EIF2D: variants seen among roughly 807,000 people sequenced by gnomAD.
EIF2D encodes the protein eukaryotic translation initiation factor 2D, also known as hepatocellular carcinoma-associated antigen 56.
EIF2D carries 56 observed loss-of-function variants against 77.4 expected under a neutral mutation model. The observed-to-expected ratio is 0.72, with a 90% CI of 0.58 to 0.90. The LOEUF is 0.90. Among genes scored for constraint, EIF2D ranks in the 40% least tolerant of loss-of-function variants. The pLI, the probability that EIF2D is intolerant of heterozygous loss-of-function variation, is 0.00. For synonymous variants in EIF2D, 230 were observed against 271.0 expected, an observed-to-expected ratio of 0.85 and a Z score of 1.49; for missense variants, 574 against 706.5, an observed-to-expected ratio of 0.81 and a Z score of 2.13.
At chr1:206,574,853 C>CTTTT (rs71570015) in intron 4 of EIF2D, among the ~76,000 whole-genome samples, 31 of 86,108 alleles carry the variant, frequency 3.6e-4, no homozygotes, top group East Asian at 8.3e-4. Flanking sequence ...GGACCAATGA[C>CTTTT]TTTTTTTTTT....
Position 206,584,952 on chromosome 1 carries a change from A to T in EIF2D, c.139-3790T>A. ...GGGAGGAATCTGCCCCACCATTCCT[A>T]ATCTTTCAGGAGATGATGTGAATGG... On this transcript the variant is annotated intron_variant and NMD_transcript_variant, in intron 2 of 5. Transcript: ENST00000472709. The surrounding 1 kb of genome is among the most constrained non-coding windows in gnomAD (Gnocchi z 4.9). The T allele has an allele frequency of 3.3e-6, 2 of 606,244 alleles. No individual in the cohort carries two copies. The highest frequency in any genetic ancestry group is 5.9e-5 in the Admixed American group (2 of 33,984). The allele number at this position is 606,244 out of a possible 1,614,324, so 37.6% of individuals were successfully genotyped here.
At chr1:206,583,161 G>A in intron 2 of EIF2D, 4 of 737,206 alleles carry the variant, frequency 5.4e-6, no homozygotes, top group Middle Eastern at 2.3e-4. Flanking sequence ...ACTCTGCAGG[G>A]CTGGATGCTC....
At chr1:206,576,189 G>A (rs560800308) in intron 4 of EIF2D, among the ~76,000 whole-genome samples, 91 of 152,370 alleles carry the variant, frequency 6.0e-4, no homozygotes, top group Non-Finnish European at 9.0e-4. Context: ...GATGCCAGCT[G>A]TAGCCACACA....
chr1:206,584,592 G>A lies in EIF2D; in HGVS notation c.139-3430C>T. 6.2e-7 allele frequency: 1 copy of A among 1,614,246 alleles called. No homozygotes were observed. On this transcript the variant is annotated intron_variant and NMD_transcript_variant, in intron 2 of 5. Coordinates refer to the EIF2D transcript ENST00000472709. This position sits in a 1 kb window ranked among gnomAD's most constrained non-coding sequence, Gnocchi z 4.9. ...CACATCAGCAGCACCACCACCGTCA[G>A]TGAGGTCATCCAGGGGCTGCTCAAG...
intron 1 of EIF2D, among the ~76,000 whole-genome samples, chr1:206,611,954 C>G (rs573175558): frequency 4.5e-4 from 69 of 152,334 alleles, no homozygotes; most frequent in Non-Finnish European, 8.5e-4. Flanking sequence ...TCCGATCTCT[C>G]CCAAGGGGCA....
chr1:206,607,119 T>C (rs980127372), intron 4 of EIF2D, among the ~76,000 whole-genome samples: 3 of 152,070 alleles, frequency 2.0e-5, no homozygotes, highest in Non-Finnish European at 2.9e-5. Flanking sequence ...GGTAAAAAGG[T>C]TTGGCAGATC....
intron 2 of EIF2D, chr1:206,586,216 T>G (rs1669104938): frequency 6.5e-6 from 1 of 153,148 alleles, no homozygotes; most frequent in Non-Finnish European, 1.5e-5. Flanking sequence ...GAGTCTCAAT[T>G]GTTGGCCGCA....
chr1:206,578,729 C>A (rs1465893222), intron 4 of EIF2D, among the ~76,000 whole-genome samples: 1 of 152,162 alleles, frequency 6.6e-6, no homozygotes, highest in Non-Finnish European at 1.5e-5. Flanking sequence ...ATCCTGGGGA[C>A]CCCCTCTCAT....
intron 6 of EIF2D, chr1:206,602,669 G>C (rs1572402760): frequency 3.2e-6 from 2 of 634,400 alleles, no homozygotes; most frequent in Admixed American, 3.0e-5. Flanking sequence ...CAAGCTAGGA[G>C]TGTTCACCCA....
At chr1:206,602,138 G>A (rs1669955503) in intron 7 of EIF2D, 198 bp downstream of exon 7, 3 of 526,392 alleles carry the variant, frequency 5.7e-6, no homozygotes, top group Non-Finnish European at 1.0e-5. Flanking sequence ...TTAAGATTTT[G>A]TTTTAACAGC....
rs899090291 is a variant in EIF2D, at chr1:206,603,202, C to T, written c.533G>A (p.Arg178Gln). 22 of 1,612,010 alleles carry T rather than the reference C, an allele frequency of 1.4e-5. No individual in the cohort carries two copies. The highest frequency in any genetic ancestry group is 2.2e-5 in the East Asian group (1 of 44,840). ...VLHTYQDHLWRSGNKSSPPSI... is the reference protein window; with the variant it reads ...VLHTYQDHLWQSGNKSSPPSI... The stretch of plus-strand genomic sequence containing the variant: ...AGGTGGAGAGGACTTGTTTCCAGAC[C>T]GCCTGGAAAAATCTCATGTCAGAAA... The change falls in exon 6 of 15, where the codon CGG (arginine) becomes CAG (glutamine). Residue 178 changes from arginine to glutamine, a missense_variant and splice_region_variant. By Grantham distance (43) the Arg-to-Gln change is conservative. Transcript: ENST00000271764.
rs139705386 is a variant in EIF2D at position 206,600,515 on chromosome 1, CAT to C, written c.903-209_903-208del. 190 of 523,108 alleles carry C rather than the reference CAT, an allele frequency of 3.6e-4. 1 individual carries two copies. The highest frequency in any genetic ancestry group is 3.4e-3 in the African/African-American group (178 of 52,628). 32.4% of individuals were successfully genotyped at this position (523,108 alleles called of 1,614,324 possible). A position where few individuals can be genotyped will look rare whatever the true frequency, so the allele number is the denominator to read the frequency against. The stretch of plus-strand genomic sequence containing the variant: ...ATCAGTGCTGTTCAAGAGAACTTTC[CAT>C]AGACGTGGAATGTTCTCTGTGTTGT... On this transcript the variant is annotated intron_variant, in intron 7 of 14. Coordinates refer to ENST00000271764, the MANE Select transcript of EIF2D (RefSeq NM_006893.3).
chr1:206,605,546 T>C (rs782048495), intron 4 of EIF2D, 39 bp from the exon 5 acceptor site: 9 of 1,555,436 alleles, frequency 5.8e-6, no homozygotes, highest in Admixed American at 5.1e-5. Flanking sequence ...TCATGGAAAA[T>C]CTATGGGAAG....
rs1214807331 is a variant in EIF2D at position 206,591,865 on chromosome 1, C to A, written c.1685-20G>T. 6.2e-7 allele frequency: 1 copy of A among 1,613,786 alleles called. No homozygotes were observed. The highest frequency in any genetic ancestry group is 8.5e-7 in the Non-Finnish European group (1 of 1,179,808). On this transcript the variant is annotated intron_variant, in intron 14 of 14. Transcript: ENST00000271764. ...ACTCTTCTACAATCCAAAAAGCACACACTCCTCAGCGGAGCATGACCTTGC... is the reference window on the plus strand; with the variant it reads ...ACTCTTCTACAATCCAAAAAGCACAAACTCCTCAGCGGAGCATGACCTTGC...
At chr1:206,574,701 C>T (rs1242238586) in intron 4 of EIF2D, among the ~76,000 whole-genome samples, 1 of 152,142 alleles carries the variant, frequency 6.6e-6, no homozygotes, top group Non-Finnish European at 1.5e-5. Flanking sequence ...ATAGAGGGAC[C>T]TGTGGAAATC....
chr1:206,595,702 G>A lies in EIF2D; in HGVS notation c.1509+16C>T, dbSNP rs375152129. On this transcript the variant is annotated intron_variant, in intron 13 of 14. Coordinates refer to ENST00000271764, the MANE Select transcript of EIF2D (RefSeq NM_006893.3). ...TTAAATCACTATCCTTGAACATTGT[G>A]TCTTTCTAAAATTACCTTTTTATTA... 3.2e-5 allele frequency: 51 copies of A among 1,612,288 alleles called. No homozygotes were observed. In the Admixed American group the frequency reaches 3.3e-4, roughly 11 times the overall value.
downstream of EIF2D, among the ~76,000 whole-genome samples, chr1:206,590,337 A>G (rs1336682529): frequency 1.3e-5 from 2 of 152,232 alleles, no homozygotes; most frequent in Non-Finnish European, 2.9e-5. Context: ...TGTCTTCAGC[A>G]GAGATCAACA....
intron 1 of EIF2D, among the ~76,000 whole-genome samples, chr1:206,611,974 T>C (rs1462883494): frequency 1.3e-5 from 2 of 152,332 alleles, no homozygotes; most frequent in Middle Eastern, 3.4e-3. Context: ...ATTAAGCTCT[T>C]TGGAGGGCAA....
At chr1:206,610,647 C>A in intron 2 of EIF2D, among the ~76,000 whole-genome samples, 1 of 152,074 alleles carries the variant, frequency 6.6e-6, no homozygotes, top group East Asian at 1.9e-4. Flanking sequence ...GGTGAAATCC[C>A]GTCTCTACTA....
Sources: allele counts gnomAD v4.1 joint callset (sites outside exome capture counted in the v4.1 genomes callset), GRCh38; gene constraint gnomAD v4.1.1; non-coding constraint Gnocchi (gnomAD v3.1); transcripts MANE v1.5; gene names NCBI Gene and HGNC (gene_info 2026-07-23, HGNC 2026-07-21).